The following THSD7A variants were observed in gnomAD, a reference collection of about 807,000 sequenced individuals.
The protein encoded by THSD7A is thrombospondin type-1 domain-containing protein 7A.
A neutral mutation model predicts 231.3 loss-of-function variants in THSD7A; 96 were observed. The observed-to-expected ratio is 0.41, with a 90% CI of 0.35 to 0.49. The LOEUF is 0.49. THSD7A is among the 20% of genes least tolerant of loss of function. The pLI, the probability that THSD7A is intolerant of heterozygous loss-of-function variation, is 0.05. For synonymous variants in THSD7A, 940 were observed against 743.3 expected, an observed-to-expected ratio of 1.26 and a Z score of -4.30; for missense variants, 2,290 against 2,070.2, an observed-to-expected ratio of 1.11 and a Z score of -2.06.
rs188709662 is a variant in THSD7A, at chr7:11,697,743, A to C, written c.191-60782T>G. Among the ~76,000 whole-genome samples, 107 of 151,524 alleles carry C rather than the reference A, an allele frequency of 7.1e-4. 1 individual carries two copies. Among genetic ancestry groups the C allele is most frequent in the Non-Finnish European group, 1.1e-3 (74 of 67,620 alleles). ...AAGTGTTATTATTAACCTCCTACCTAGTTAAAGATCTACGTGCAGAAAATG... is the reference window on the plus strand; with the variant it reads ...AAGTGTTATTATTAACCTCCTACCTCGTTAAAGATCTACGTGCAGAAAATG... On this transcript the variant is annotated intron_variant, in intron 1 of 27. Coordinates refer to ENST00000423059, the MANE Select transcript of THSD7A (RefSeq NM_015204.3).
intron 1 of THSD7A, among the ~76,000 whole-genome samples, chr7:11,759,565 C>G (rs1782790323): frequency 6.6e-6 from 1 of 151,890 alleles, no homozygotes; most frequent in African/African-American, 2.4e-5. Flanking sequence ...GAAATAATAA[C>G]TAAATTTTTC....
intron 1 of THSD7A, among the ~76,000 whole-genome samples, chr7:11,729,296 G>A (rs1310384424): frequency 6.6e-6 from 1 of 151,702 alleles, no homozygotes; most frequent in Non-Finnish European, 1.5e-5. Flanking sequence ...GTCCTTAATC[G>A]TGTATGACAC....
intron 1 of THSD7A, among the ~76,000 whole-genome samples, chr7:11,669,882 G>A (rs1032301971): frequency 1.3e-5 from 2 of 152,070 alleles, no homozygotes; most frequent in Non-Finnish European, 2.9e-5. Context: ...GACTTCCAGA[G>A]CTTTGTTGCC....
chr7:11,769,509 C>A (rs1429342019), intron 1 of THSD7A, among the ~76,000 whole-genome samples: 9 of 151,502 alleles, frequency 5.9e-5, no homozygotes, highest in Non-Finnish European at 7.4e-5. Flanking sequence ...AGATATTTAT[C>A]TTTTTTTTCA....
chr7:11,610,459 C>A (rs914905531), intron 2 of THSD7A, among the ~76,000 whole-genome samples: 1 of 151,974 alleles, frequency 6.6e-6, no homozygotes, highest in African/African-American at 2.4e-5. Context: ...TGTAATAAAA[C>A]GAGAGAAGCA....
chr7:11,830,604 T>C (rs1324226429), intron 1 of THSD7A, among the ~76,000 whole-genome samples: 1 of 152,240 alleles, frequency 6.6e-6, no homozygotes, highest in East Asian at 1.9e-4. Context: ...ACAAATTGTG[T>C]ACTTTGACTT....
chr7:11,636,143 C>T lies in THSD7A; in HGVS notation c.1009G>A (p.Ala337Thr). The T allele has an allele frequency of 2.5e-6, 4 of 1,610,608 alleles. No homozygotes were observed. The highest frequency in any genetic ancestry group is 2.5e-6 in the Non-Finnish European group (3 of 1,178,286). ...EVMCINKTGK[A>T]ADLSFCQQEK... ...TTAAAATGTTACCTTAAATCAGCAG[C>T]TTTCCCCGTCTTGTTAATGCACATA... Residue 337 changes from alanine to threonine, a missense_variant, in exon 2 of 28, where the codon GCT (alanine) becomes ACT (threonine). Ala to Thr is a moderately conservative substitution (Grantham distance 58). Coordinates refer to ENST00000423059, the MANE Select transcript of THSD7A (RefSeq NM_015204.3). This position sits in a 1 kb window ranked among gnomAD's most constrained non-coding sequence, Gnocchi z 10.0.
At chr7:11,820,826 T>G in intron 1 of THSD7A, 2 of 987,574 alleles carry the variant, frequency 2.0e-6, no homozygotes, top group Non-Finnish European at 3.2e-6. Context: ...GTGCTTCTTC[T>G]GCTTCTTTGA....
chr7:11,543,015 G>A lies in THSD7A; in HGVS notation c.1556C>T (p.Ser519Leu). The A allele has an allele frequency of 6.2e-7, 1 of 1,613,844 alleles. No individual in the cohort carries two copies. The change falls in exon 5 of 28, where the codon TCA becomes TTA. Residue 519 changes from serine to leucine, a missense_variant. Coordinates refer to ENST00000423059, the MANE Select transcript of THSD7A (RefSeq NM_015204.3). ...TTCATAAGTACAAGGTCCCCAAGCTGACCAAGGTGAAACTTCACATTCAGT... is the reference window on the plus strand; with the variant it reads ...TTCATAAGTACAAGGTCCCCAAGCTAACCAAGGTGAAACTTCACATTCAGT... ...CPTECEVSPW[S>L]AWGPCTYENC...
intron 1 of THSD7A, among the ~76,000 whole-genome samples, chr7:11,706,182 C>A (rs1213844995): frequency 6.6e-6 from 1 of 150,882 alleles, no homozygotes; most frequent in Non-Finnish European, 1.5e-5. Flanking sequence ...TTAATATGTG[C>A]TGCTACAAAG....
At chr7:11,629,803 A>T (rs1458514512) in intron 2 of THSD7A, among the ~76,000 whole-genome samples, 1 of 152,158 alleles carries the variant, frequency 6.6e-6, no homozygotes, top group Admixed American at 6.5e-5. Flanking sequence ...GCCAAGAAAG[A>T]TATATAGGAT....
intron 1 of THSD7A, among the ~76,000 whole-genome samples, chr7:11,766,458 A>T (rs1214721601): frequency 6.6e-6 from 1 of 151,932 alleles, no homozygotes; most frequent in African/African-American, 2.4e-5. Context: ...CTCACAGGGT[A>T]TTGAACCAAT....
At chr7:11,513,358 A>AAATG (rs759556861) in intron 6 of THSD7A, among the ~76,000 whole-genome samples, 4 of 128,678 alleles carry the variant, frequency 3.1e-5, no homozygotes, top group Non-Finnish European at 5.5e-5. Context: ...TTTCAAGAAT[A>AAATG]AAAAAAACCA....
At chr7:11,687,238 T>C (rs1233795746) in intron 1 of THSD7A, among the ~76,000 whole-genome samples, 1 of 151,860 alleles carries the variant, frequency 6.6e-6, no homozygotes, top group East Asian at 1.9e-4. Flanking sequence ...AAATGTGCAC[T>C]AAAATAAAAT....
chr7:11,525,264 G>GCTAT (rs56678070), intron 6 of THSD7A, among the ~76,000 whole-genome samples: 39,202 of 151,956 alleles, frequency 0.26, 6,244 homozygotes, highest in African/African-American at 0.45. Context: ...GAGCACTGAA[G>GCTAT]TTATTTAAAT....
intron 4 of THSD7A, among the ~76,000 whole-genome samples, chr7:11,543,599 C>T (rs1378073375): frequency 1.3e-5 from 2 of 152,122 alleles, no homozygotes; most frequent in East Asian, 3.9e-4. Context: ...TGAGAGGTAG[C>T]AGGTGAGATG....
intron 4 of THSD7A, among the ~76,000 whole-genome samples, chr7:11,571,206 T>C (rs1790614179): frequency 6.6e-6 from 1 of 152,206 alleles, no homozygotes. Flanking sequence ...CCATAAGTTT[T>C]GGTTCCACTA....
intron 2 of THSD7A, among the ~76,000 whole-genome samples, chr7:11,635,591 T>G (rs1781806482): frequency 6.6e-6 from 1 of 152,202 alleles, no homozygotes; most frequent in Non-Finnish European, 1.5e-5. Context: ...ACCTTATTTT[T>G]GGCTGGTTGC....
chr7:11,607,306 C>T (rs376327083), intron 2 of THSD7A, among the ~76,000 whole-genome samples: 2 of 152,006 alleles, frequency 1.3e-5, no homozygotes, highest in African/African-American at 4.8e-5. Flanking sequence ...AGACAGAGGA[C>T]GATGACTGCT....
Sources: allele counts gnomAD v4.1 joint callset (sites outside exome capture counted in the v4.1 genomes callset), GRCh38; gene constraint gnomAD v4.1.1; non-coding constraint Gnocchi (gnomAD v3.1); transcripts MANE v1.5; gene names NCBI Gene and HGNC (gene_info 2026-07-23, HGNC 2026-07-21).